UGGT2: variants seen among roughly 807,000 people sequenced by gnomAD.
The protein encoded by UGGT2 is UDP-glucose glycoprotein glucosyltransferase 2, also known as UDP-glucose:glycoprotein glucosyltransferase 2.
Under a neutral mutation model 192.1 loss-of-function variants are expected in UGGT2, and 180 were observed. The observed-to-expected ratio is 0.94, with a 90% CI of 0.83 to 1.06. UGGT2 has a LOEUF of 1.06. Ranked by LOEUF, UGGT2 falls within the 50% of genes least tolerant of loss-of-function variation. UGGT2 has a pLI of 0.00. For synonymous variants in UGGT2, 580 were observed against 591.0 expected (o/e 0.98, Z 0.27); for missense variants, 1,849 against 1,795.7 (o/e 1.03, Z -0.54).
At chr13:95,925,872 AATAAT>A in intron 19 of UGGT2, 98 bp from the exon 20 acceptor site, 1 of 747,642 alleles carries the variant, frequency 1.3e-6, no homozygotes, top group South Asian at 3.5e-5. Flanking sequence ...AAAAAATTAA[AATAAT>A]ATTTCTGAAA....
At chr13:95,927,369 A>G (rs754947065) in intron 17 of UGGT2, 33 bp from the exon 18 acceptor site, 2 of 1,552,096 alleles carry the variant, frequency 1.3e-6, no homozygotes, top group African/African-American at 1.4e-5. Flanking sequence ...TAGATAATAC[A>G]GGCAATTTAT....
intron 12 of UGGT2, among the ~76,000 whole-genome samples, chr13:95,962,106 T>C (rs780516103): frequency 4.2e-4 from 64 of 152,148 alleles, no homozygotes; most frequent in Admixed American, 1.5e-3. Context: ...AAGAAGTGTG[T>C]AGCAGTAAGC....
chr13:95,913,230 T>A (rs953800287), intron 20 of UGGT2, among the ~76,000 whole-genome samples: 4 of 152,024 alleles, frequency 2.6e-5, no homozygotes, highest in Non-Finnish European at 5.9e-5. Context: ...AAGCCAAAAT[T>A]GACAAATGGG....
intron 20 of UGGT2, among the ~76,000 whole-genome samples, chr13:95,909,782 A>AATAATAAT (rs369897411): frequency 0.011 from 1,267 of 115,094 alleles, 7 homozygotes; most frequent in East Asian, 0.019. Flanking sequence ...ATAATAATAA[A>AATAATAAT]AAAGATTCCT....
chr13:95,941,339 C>T (rs1453952606), intron 15 of UGGT2, among the ~76,000 whole-genome samples: 2 of 152,176 alleles, frequency 1.3e-5, no homozygotes, highest in African/African-American at 2.4e-5. Context: ...GTATTCTTTG[C>T]TCTCCCTTTA....
chr13:95,829,578 A>G (rs1415358988), intron 38 of UGGT2, among the ~76,000 whole-genome samples: 1 of 152,150 alleles, frequency 6.6e-6, no homozygotes, highest in Non-Finnish European at 1.5e-5. Flanking sequence ...GAATTGCTAC[A>G]AAGAGAATAA....
chr13:95,859,700 A>C, intron 32 of UGGT2, 25 bp from the exon 33 acceptor site: 1 of 1,531,062 alleles, frequency 6.5e-7, no homozygotes, highest in Non-Finnish European at 8.9e-7. Context: ...ATTAAACCCA[A>C]TATACATTAA....
At chr13:95,834,308 G>C (rs570125188) in intron 37 of UGGT2, among the ~76,000 whole-genome samples, 1 of 152,074 alleles carries the variant, frequency 6.6e-6, no homozygotes, top group Non-Finnish European at 1.5e-5. Context: ...GCCCCTCGGG[G>C]AGCTTTGGCA....
At chr13:95,840,999 A>G (rs912994623) in intron 36 of UGGT2, among the ~76,000 whole-genome samples, 3 of 152,148 alleles carry the variant, frequency 2.0e-5, no homozygotes, top group African/African-American at 7.2e-5. Context: ...GAGTTGAACA[A>G]TGAGAACACA....
intron 17 of UGGT2, among the ~76,000 whole-genome samples, chr13:95,934,931 G>C (rs768238993): frequency 2.0e-5 from 3 of 152,180 alleles, no homozygotes; most frequent in African/African-American, 7.2e-5. Flanking sequence ...TTTGTTTTAC[G>C]AATCTGGGTG....
chr13:95,899,369 T>A (rs965297703), intron 22 of UGGT2, among the ~76,000 whole-genome samples: 1 of 152,178 alleles, frequency 6.6e-6, no homozygotes, highest in Non-Finnish European at 1.5e-5. Flanking sequence ...ATTAGCCCCA[T>A]GAAAACGTAG....
chr13:95,905,237 T>G (rs1427901556), intron 20 of UGGT2, among the ~76,000 whole-genome samples: 2 of 149,302 alleles, frequency 1.3e-5, no homozygotes, highest in East Asian at 2.0e-4. Context: ...TTTCTCCCAT[T>G]TTGTAGGTTG....
At position 95,986,436 on chromosome 13, in the gene UGGT2, G is replaced by A. The variant is rs2051291236; in HGVS notation, c.932-4C>T. The A allele has an allele frequency of 6.4e-7, 1 of 1,569,034 alleles. No homozygotes were observed. Among genetic ancestry groups the A allele is most frequent in the Non-Finnish European group, 8.7e-7 (1 of 1,144,112 alleles). ...GAAGCTGCTTGAAAACTAAGATCTG[G>A]AAGGAAAAATATTATTAAGGAATCT... On this transcript the variant is annotated splice_polypyrimidine_tract_variant and splice_region_variant and intron_variant, in intron 8 of 38. Transcript: ENST00000376747.
At chr13:95,878,689 A>C (rs1440440291) in intron 27 of UGGT2, among the ~76,000 whole-genome samples, 1 of 152,208 alleles carries the variant, frequency 6.6e-6, no homozygotes, top group Non-Finnish European at 1.5e-5. Flanking sequence ...AATGTTACCT[A>C]TATCTAATCT....
chr13:95,907,287 C>T (rs953598694), intron 20 of UGGT2, among the ~76,000 whole-genome samples: 1 of 152,226 alleles, frequency 6.6e-6, no homozygotes, highest in Non-Finnish European at 1.5e-5. Flanking sequence ...CACCGCAGCT[C>T]AGCGAGGCCT....
chr13:96,043,588 G>C (rs2053225099), intron 1 of UGGT2, among the ~76,000 whole-genome samples: 1 of 152,074 alleles, frequency 6.6e-6, no homozygotes, highest in Admixed American at 6.6e-5. Context: ...GAATGGATAA[G>C]AATTCACCAA....
At chr13:95,888,220 T>TGC (rs921274482) in intron 25 of UGGT2, among the ~76,000 whole-genome samples, 1 of 152,170 alleles carries the variant, frequency 6.6e-6, no homozygotes, top group Non-Finnish European at 1.5e-5. Flanking sequence ...TTATGCTGCT[T>TGC]GCCCTTTGCC....
intron 20 of UGGT2, among the ~76,000 whole-genome samples, chr13:95,913,565 T>A (rs948491387): frequency 6.6e-6 from 1 of 152,142 alleles, no homozygotes; most frequent in African/African-American, 2.4e-5. Flanking sequence ...AGAATAGCAA[T>A]CATTTAAAAA....
intron 20 of UGGT2, among the ~76,000 whole-genome samples, chr13:95,914,564 G>A (rs1208764846): frequency 7.1e-6 from 1 of 141,556 alleles, no homozygotes; most frequent in Non-Finnish European, 1.5e-5. Context: ...CACCTGAGGT[G>A]AGGAGTTCGA....
Sources: gnomAD v4.1 joint callset for allele counts (sites outside exome capture counted in the v4.1 genomes callset) on GRCh38, gnomAD v4.1.1 for gene constraint, MANE v1.5 for transcripts, NCBI Gene and HGNC (gene_info 2026-07-23, HGNC 2026-07-21) for gene names.